Variants in FRS2 observed in about 807,000 individuals in gnomAD.
The protein encoded by FRS2 is fibroblast growth factor receptor substrate 2, also known as FGFR signalling adaptor.
A neutral mutation model predicts 43.9 loss-of-function variants in FRS2; 8 were observed. That is an observed-to-expected ratio of 0.18 (90% CI 0.11 to 0.33). The LOEUF (loss-of-function observed/expected upper bound fraction) is 0.33, where lower values mean the gene tolerates loss of function less well. FRS2 is among the 10% of genes least tolerant of loss of function. The probability of loss-of-function intolerance (pLI) is 1.00; values close to 1 mark genes in which losing one functional copy is unlikely to be tolerated. For synonymous variants in FRS2, 219 were observed against 220.3 expected (o/e 0.99, Z 0.05); for missense variants, 534 against 627.6 (o/e 0.85, Z 1.59).
chr12:69,510,648 G>A (rs771120330), intron 1 of FRS2, among the ~76,000 whole-genome samples: 13 of 152,100 alleles, frequency 8.5e-5, no homozygotes, highest in African/African-American at 1.4e-4. Context: ...GTGATTAGGC[G>A]TGTGGCCAGA....
chr12:69,574,878 A>C lies in FRS2; in HGVS notation c.1450A>C (p.Asn484His), dbSNP rs367555797. Residue 484 changes from asparagine to histidine, a missense_variant, in exon 9 of 9, where the codon AAT (asparagine) becomes CAT (histidine). Physicochemically the swap from Asn to His is moderately conservative, Grantham distance 68. Around this residue, in one of 3 missense-constraint regions of FRS2, gnomAD observed 446 missense variants for 494.2 expected, o/e 0.90. Transcript: ENST00000549921. ...CATCGAGAGAACTGCTGCTATGTCA[A>C]ATTTGCAGAAAGCACTGCCACGAGA... ...IDIERTAAMS[N>H]LQKALPRDDG... The C allele has an allele frequency of 6.2e-7, 1 of 1,613,966 alleles. No homozygotes were observed. The highest frequency in any genetic ancestry group is 1.1e-5 in the South Asian group (1 of 91,076).
At chr12:69,557,637 C>CAG (rs1285667408) in intron 3 of FRS2, among the ~76,000 whole-genome samples, 1 of 142,582 alleles carries the variant, frequency 7.0e-6, no homozygotes, top group Non-Finnish European at 1.5e-5. Context: ...CGCGCGCGCG[C>CAG]AGGTGCATGC....
intron 4 of FRS2, among the ~76,000 whole-genome samples, chr12:69,566,635 T>G (rs943524251): frequency 6.6e-6 from 1 of 150,578 alleles, no homozygotes; most frequent in Non-Finnish European, 1.5e-5. Flanking sequence ...AAAGAATATG[T>G]GCCATGTAAG....
At chr12:69,504,466 T>A (rs554866305) in intron 1 of FRS2, among the ~76,000 whole-genome samples, 2 of 152,176 alleles carry the variant, frequency 1.3e-5, no homozygotes, top group Non-Finnish European at 2.9e-5. Context: ...GTACAGATGA[T>A]CCCTGATTTA....
chr12:69,519,384 A>G (rs1209197451), intron 1 of FRS2, among the ~76,000 whole-genome samples: 1 of 152,214 alleles, frequency 6.6e-6, no homozygotes, highest in Non-Finnish European at 1.5e-5. Context: ...AATGTTGAAG[A>G]CATAGAAGAA....
At chr12:69,525,737 A>T (rs1426392302) in intron 1 of FRS2, among the ~76,000 whole-genome samples, 1 of 152,054 alleles carries the variant, frequency 6.6e-6, no homozygotes, top group Non-Finnish European at 1.5e-5. Flanking sequence ...CCATAAACTC[A>T]ACCAAGTGGT....
intron 3 of FRS2, among the ~76,000 whole-genome samples, chr12:69,547,529 C>T (rs140419557): frequency 6.6e-6 from 1 of 152,112 alleles, no homozygotes; most frequent in African/African-American, 2.4e-5. Context: ...GTGTATTTTA[C>T]CACAATAAAA....
intron 1 of FRS2, among the ~76,000 whole-genome samples, chr12:69,509,156 T>A (rs1415206243): frequency 1.3e-5 from 2 of 151,812 alleles, no homozygotes; most frequent in Admixed American, 1.3e-4. Context: ...TGAGCAGAAT[T>A]TCACATAATT....
chr12:69,470,611 GGGATCCGGGCTGA>G (rs11273634), intron 1 of FRS2, 81 bp downstream of exon 1: 24,157 of 397,174 alleles, frequency 0.061, 2,758 homozygotes, highest in East Asian at 0.41. Flanking sequence ...TGCCCGCTTC[GGGATCCGGGCTGA>G]GGGCTCGGCT....
chr12:69,494,890 C>T (rs1303543974), intron 1 of FRS2, among the ~76,000 whole-genome samples: 18 of 152,250 alleles, frequency 1.2e-4, no homozygotes, highest in African/African-American at 4.1e-4. Flanking sequence ...TCCCCTGTCT[C>T]AACCTCCCGA....
intron 3 of FRS2, 179 bp from the exon 4 acceptor site, chr12:69,561,999 CAT>C (rs1392324662): frequency 5.1e-5 from 18 of 353,396 alleles, no homozygotes; most frequent in South Asian, 1.5e-4. Flanking sequence ...AGAATGATAA[CAT>C]GTGCATATTA....
chr12:69,483,621 T>TAA (rs1871544305), intron 1 of FRS2, among the ~76,000 whole-genome samples: 1 of 152,068 alleles, frequency 6.6e-6, no homozygotes. Context: ...TTTACAAACT[T>TAA]TATATTAAGT....
At chr12:69,570,912 A>G (rs1316192652) in intron 6 of FRS2, among the ~76,000 whole-genome samples, 1 of 152,250 alleles carries the variant, frequency 6.6e-6, no homozygotes, top group Non-Finnish European at 1.5e-5. Flanking sequence ...TAAACAAGAT[A>G]ACAATTGGAA....
At chr12:69,478,101 C>T (rs1219418331) in intron 1 of FRS2, among the ~76,000 whole-genome samples, 2 of 152,092 alleles carry the variant, frequency 1.3e-5, no homozygotes, top group East Asian at 1.9e-4. Flanking sequence ...AGATGGTAAA[C>T]AATTTCTGAT....
chr12:69,490,774 T>G (rs1354729374), intron 1 of FRS2, among the ~76,000 whole-genome samples: 1 of 152,222 alleles, frequency 6.6e-6, no homozygotes, highest in Non-Finnish European at 1.5e-5. Flanking sequence ...ATGGTTATAC[T>G]TTTCACTAAA....
At chr12:69,521,916 G>GT (rs1875699295) in intron 1 of FRS2, among the ~76,000 whole-genome samples, 1 of 152,138 alleles carries the variant, frequency 6.6e-6, no homozygotes, top group Non-Finnish European at 1.5e-5. Context: ...GCCCAGCCTT[G>GT]TTGAGAGTTT....
At position 69,478,856 on chromosome 12, in the gene FRS2, A is replaced by T. The variant is rs1871097890; in HGVS notation, c.-261+8326A>T. 2.0e-5 allele frequency among the ~76,000 whole-genome samples: 3 copies of T among 151,582 alleles called. 1 individual carries two copies. Among genetic ancestry groups the T allele is most frequent in the Admixed American group, 2.0e-4 (3 of 15,188 alleles). On this transcript the variant is annotated intron_variant, in intron 1 of 8. Coordinates refer to ENST00000549921, the MANE Select transcript of FRS2 (RefSeq NM_001278356.2). Reference sequence around the variant, plus strand: ...TTGATGGCCGTTCATGTTTCTCACTACTTGTGATCTCTGACATACTCTTTA... The same window carrying T: ...TTGATGGCCGTTCATGTTTCTCACTTCTTGTGATCTCTGACATACTCTTTA...
rs549426352 is a variant in FRS2 at position 69,478,443 on chromosome 12, G to A, written c.-261+7913G>A. Among the ~76,000 whole-genome samples the A allele has an allele frequency of 2.0e-5, 3 of 152,134 alleles. No homozygotes were observed. The South Asian group carries it at 6.2e-4, about 32-fold the overall frequency. ...TTAATTTAAATATGAATACCCACAT[G>A]GGGCTGGTGGCTACTGTATTAGTGC... On this transcript the variant is annotated intron_variant, in intron 1 of 8. Coordinates refer to ENST00000549921, the MANE Select transcript of FRS2 (RefSeq NM_001278356.2).
chr12:69,572,006 G>C, intron 7 of FRS2, 112 bp from the exon 8 acceptor site: 1 of 666,940 alleles, frequency 1.5e-6, no homozygotes, highest in East Asian at 2.8e-5. Context: ...TCTGATTTCT[G>C]CTGTCTTGGC....
Sources: allele counts gnomAD v4.1 joint callset (sites outside exome capture counted in the v4.1 genomes callset), GRCh38; gene constraint gnomAD v4.1.1; regional missense constraint gnomAD v4.1.1; transcripts MANE v1.5; gene names NCBI Gene and HGNC (gene_info 2026-07-23, HGNC 2026-07-21).